Variants in WDR54 observed in about 807,000 individuals in gnomAD.
WDR54 encodes WD repeat-containing protein 54.
WDR54 carries 44 observed loss-of-function variants against 44.1 expected under a neutral mutation model. That is an observed-to-expected ratio of 1.00 (90% confidence interval 0.78 to 1.28). The LOEUF is 1.28. Among genes scored for constraint, WDR54 ranks in the 50% most tolerant of loss-of-function variants. The pLI, the probability that WDR54 is intolerant of heterozygous loss-of-function variation, is 0.00. For missense variants in WDR54, 409 were observed against 429.7 expected, an observed-to-expected ratio of 0.95 and a Z score of 0.43; for synonymous variants, 169 against 169.8, an observed-to-expected ratio of 1.00 and a Z score of 0.04.
chr2:74,423,445 A>T lies in WDR54; in HGVS notation c.353-33A>T, dbSNP rs555590375. 43 of 1,613,936 alleles carry T rather than the reference A, an allele frequency of 2.7e-5. No individual in the cohort carries two copies. In the East Asian group the frequency reaches 9.1e-4, roughly 34 times the overall value. ...GTGTTTGCTAGGGCTGCAGGAGGGG[A>T]TATTTCTGATCATTCTCCCCTTTCA... On this transcript the variant is annotated intron_variant, in intron 4 of 9. Coordinates refer to ENST00000348227, the MANE Select transcript of WDR54 (RefSeq NM_032118.4).
In WDR54 at chr2:74,425,728, G is replaced by A; in HGVS notation, c.*27G>A. On this transcript the variant is annotated 3_prime_UTR_variant, in exon 10 of 10. Transcript: ENST00000348227. ...AAGAGCAGCCTTCCTTTGTCCCTGT[G>A]GTATTCATAAAGTACCCGCTCCACC... is the stretch of plus-strand genomic sequence containing the variant. 6.2e-7 allele frequency: 1 copy of A among 1,613,768 alleles called. No individual in the cohort carries two copies. Among genetic ancestry groups the A allele is most frequent in the Non-Finnish European group, 8.5e-7 (1 of 1,179,918 alleles).
rs767229231 is a variant in WDR54, at chr2:74,423,965, G to A, written c.517G>A (p.Glu173Lys). ...GATGCCAATCACAGACATTGCCACCGAGCCTGCCCAGGGACAGGTGAGTGG... is the reference window on the plus strand; with the variant it reads ...GATGCCAATCACAGACATTGCCACCAAGCCTGCCCAGGGACAGGTGAGTGG... ...HQMPITDIAT[E>K]PAQGQDCVAD... Residue 173 changes from glutamate to lysine, a missense_variant, in exon 6 of 10, where the codon GAG becomes AAG. Transcript: ENST00000348227. 5.0e-5 allele frequency: 81 copies of A among 1,614,000 alleles called. No homozygotes were observed. The East Asian group carries it at 1.3e-3, about 26-fold the overall frequency.
At position 74,425,379 on chromosome 2, in the gene WDR54, G is replaced by A. The variant is rs372648730; in HGVS notation, c.799-38G>A. On this transcript the variant is annotated intron_variant, in intron 8 of 9. Coordinates refer to ENST00000348227, the MANE Select transcript of WDR54 (RefSeq NM_032118.4). ...GGGGATTCCAGCTTATAGCTGTCCC[G>A]TCAGGGCATTCTGACTCCCCCTCTT... The A allele has an allele frequency of 3.4e-4, 554 of 1,612,832 alleles. 1 individual carries two copies. The highest frequency in any genetic ancestry group is 4.4e-4 in the Non-Finnish European group (520 of 1,179,166).
rs763077900 is a variant in WDR54 at position 74,425,561 on chromosome 2, C to T, written c.874-9C>T. On this transcript the variant is annotated splice_polypyrimidine_tract_variant and intron_variant, in intron 9 of 9. Coordinates refer to ENST00000348227, the MANE Select transcript of WDR54 (RefSeq NM_032118.4). Reference sequence around the variant, plus strand: ...GCAGCAGGCCCTGACGAGCCCTCTGCTCCCCCAGGTGGAACACTGTCATGG... The same window carrying T: ...GCAGCAGGCCCTGACGAGCCCTCTGTTCCCCCAGGTGGAACACTGTCATGG... 40 of 1,614,118 alleles carry T rather than the reference C, an allele frequency of 2.5e-5. 2 individuals carry two copies. The South Asian group carries it at 4.1e-4, about 16-fold the overall frequency.
rs1349904101 is a variant in WDR54 at position 74,425,397 on chromosome 2, C to G, written c.799-20C>G. 1 of 1,613,776 alleles carries G rather than the reference C, an allele frequency of 6.2e-7. No homozygotes were observed. Reference sequence around the variant, plus strand: ...CTGTCCCGTCAGGGCATTCTGACTCCCCCTCTTCCTCCTCCACAGCTACTC... The same window carrying G: ...CTGTCCCGTCAGGGCATTCTGACTCGCCCTCTTCCTCCTCCACAGCTACTC... On this transcript the variant is annotated intron_variant, in intron 8 of 9. Coordinates refer to ENST00000348227, the MANE Select transcript of WDR54 (RefSeq NM_032118.4).
At chr2:74,422,009 C>T (rs1456762093) in intron 1 of WDR54, 144 bp from the exon 2 acceptor site, 7 of 807,774 alleles carry the variant, frequency 8.7e-6, no homozygotes, top group Non-Finnish European at 1.4e-5. Flanking sequence ...TCCTCGAGAC[C>T]CTCCCCCATC....
chr2:74,422,185 G>A lies in WDR54; in HGVS notation c.32G>A (p.Arg11Gln), dbSNP rs763968610. The part of the protein sequence containing the change: MFRWERSIPL[R>Q]GSAAALCNNL... ...CGCTGGGAGCGCTCCATTCCCCTGC[G>A]AGGCTCGGCCGCCGCCCTGTGCAAC... The change falls in exon 2 of 10, where the codon CGA (arginine) becomes CAA (glutamine). Residue 11 changes from arginine (R) to glutamine (Q), a missense_variant. Coordinates refer to ENST00000348227, the MANE Select transcript of WDR54 (RefSeq NM_032118.4). 2.5e-6 allele frequency: 4 copies of A among 1,613,456 alleles called. No homozygotes were observed. Among genetic ancestry groups the A allele is most frequent in the Non-Finnish European group, 3.4e-6 (4 of 1,180,044 alleles).
In WDR54 at chr2:74,424,878, T is replaced by C. The variant is rs1441734875; in HGVS notation, c.538T>C (p.Cys180Arg). 2 of 1,614,052 alleles carry C rather than the reference T, an allele frequency of 1.2e-6. No homozygotes were observed. The highest frequency in any genetic ancestry group is 1.7e-6 in the Non-Finnish European group (2 of 1,180,018). Residue 180 changes from cysteine to arginine, a missense_variant, in exon 7 of 10, where the codon TGT (cysteine) becomes CGT (arginine). Physicochemically the swap from Cys to Arg is radical, Grantham distance 180. Transcript: ENST00000348227. ...TTGATCTTGCCTTTCCCTTCAGGATTGTGTGGCTGACATGGTGACGGCAGA... is the reference window on the plus strand; with the variant it reads ...TTGATCTTGCCTTTCCCTTCAGGATCGTGTGGCTGACATGGTGACGGCAGA... Reference protein sequence around the residue: ...IATEPAQGQDCVADMVTADDS... With the variant: ...IATEPAQGQDRVADMVTADDS...
chr2:74,425,563 C>T lies in WDR54; in HGVS notation c.874-7C>T, dbSNP rs1398279206. ...AGCAGGCCCTGACGAGCCCTCTGCT[C>T]CCCCAGGTGGAACACTGTCATGGTG... On this transcript the variant is annotated splice_region_variant and splice_polypyrimidine_tract_variant and intron_variant, in intron 9 of 9. Coordinates refer to ENST00000348227, the MANE Select transcript of WDR54 (RefSeq NM_032118.4). 6 of 1,614,186 alleles carry T rather than the reference C, an allele frequency of 3.7e-6. No individual in the cohort carries two copies. The highest frequency in any genetic ancestry group is 1.1e-5 in the South Asian group (1 of 91,078).
chr2:74,423,356 A>G lies in WDR54; in HGVS notation c.323A>G (p.His108Arg). 6.2e-7 allele frequency: 1 copy of G among 1,614,076 alleles called. No individual in the cohort carries two copies. The highest frequency in any genetic ancestry group is 8.5e-7 in the Non-Finnish European group (1 of 1,180,040). Residue 108 changes from histidine to arginine, a missense_variant, in exon 4 of 10, where the codon CAT (histidine) becomes CGT (arginine). By Grantham distance (29) the His-to-Arg change is conservative. Transcript: ENST00000348227. ...AATGGCTACACCATGGTCTACTGGC[A>G]TGCACTGGACTCTGGAGATGCCTCC... ...ESNGYTMVYW[H>R]ALDSGDASPV...
chr2:74,425,002 C>G (rs758826573), intron 7 of WDR54, 27 bp downstream of exon 7: 1 of 1,614,178 alleles, frequency 6.2e-7, no homozygotes, highest in Admixed American at 1.7e-5. Context: ...GGGTAGAGGG[C>G]TTCCTGAGAT....
chr2:74,423,010 C>T, intron 3 of WDR54, 78 bp downstream of exon 3: 1 of 1,433,188 alleles, frequency 7.0e-7, no homozygotes, highest in South Asian at 1.1e-5. Context: ...TTCCCACTTG[C>T]CTCTAAACAC....
chr2:74,424,853 T>G, intron 6 of WDR54, 22 bp from the exon 7 acceptor site: 1 of 1,613,574 alleles, frequency 6.2e-7, no homozygotes, highest in Non-Finnish European at 8.5e-7. Flanking sequence ...AAGGGAAGGG[T>G]TGATCTTGCC....
chr2:74,425,682 G>A lies in WDR54; in HGVS notation c.986G>A (p.Arg329Gln), dbSNP rs776576157. Residue 329 changes from arginine (R) to glutamine (Q), a missense_variant, in exon 10 of 10, where the codon CGG becomes CAG. Arg to Gln is a conservative substitution (Grantham distance 43, BLOSUM62 1). Transcript: ENST00000348227. ...AVTGYDLAEI[R>Q]RFSSV The stretch of plus-strand genomic sequence containing the variant: ...ACTGGCTATGACCTTGCGGAGATCC[G>A]GAGATTCAGCAGTGTGTGAGAAGAG... The A allele has an allele frequency of 1.7e-5, 27 of 1,614,200 alleles. No individual in the cohort carries two copies. Among genetic ancestry groups the A allele is most frequent in the South Asian group, 1.1e-4 (10 of 91,072 alleles).
At chr2:74,423,020 C>A in intron 3 of WDR54, 88 bp downstream of exon 3, 1 of 1,337,910 alleles carries the variant, frequency 7.5e-7, no homozygotes, top group Non-Finnish European at 1.1e-6. Flanking sequence ...CCTCTAAACA[C>A]TTCCAGACTT....
intron 1 of WDR54, 116 bp from the exon 2 acceptor site, chr2:74,422,037 C>A: frequency 1.8e-6 from 2 of 1,090,786 alleles, no homozygotes; most frequent in East Asian, 2.5e-5. Context: ...TCTGGGCACC[C>A]CATCCTATGA....
Position 74,422,871 on chromosome 2 carries a change from T to G in WDR54, c.224T>G (p.Val75Gly). The change falls in exon 3 of 10, where the codon GTC becomes GGC. Residue 75 changes from valine (V) to glycine (G), a missense_variant and splice_region_variant. By Grantham distance (109) the Val-to-Gly change is moderately radical. Transcript: ENST00000348227. Reference sequence around the variant, plus strand: ...CTACACTGATGCACCTCCCTCCAGGTCCACTGGTGTGTCCTCCCCTTCCGA... The same window carrying G: ...CTACACTGATGCACCTCCCTCCAGGGCCACTGGTGTGTCCTCCCCTTCCGA... ...AGVSPPLITQVHWCVLPFRVL... is the reference protein window; with the variant it reads ...AGVSPPLITQGHWCVLPFRVL... 1 of 1,613,222 alleles carries G rather than the reference T, an allele frequency of 6.2e-7. No homozygotes were observed. The highest frequency in any genetic ancestry group is 8.5e-7 in the Non-Finnish European group (1 of 1,179,804).
At chr2:74,423,616 T>C in intron 5 of WDR54, 85 bp downstream of exon 5, 1 of 1,562,928 alleles carries the variant, frequency 6.4e-7, no homozygotes, top group Non-Finnish European at 8.7e-7. Flanking sequence ...GAGGAAATTG[T>C]GGAAAGTTAG....
At position 74,422,198 on chromosome 2, in the gene WDR54, C is replaced by T. The variant is rs755797249; in HGVS notation, c.45C>T (p.Ala15=). The T allele has an allele frequency of 6.2e-7, 1 of 1,613,784 alleles. No individual in the cohort carries two copies. Among genetic ancestry groups the T allele is most frequent in the African/African-American group, 1.3e-5 (1 of 74,954 alleles). The change falls in exon 2 of 10, where the codon GCC becomes GCT. Residue 15 remains alanine (A), a synonymous_variant. Transcript: ENST00000348227. ...CCATTCCCCTGCGAGGCTCGGCCGC[C>T]GCCCTGTGCAACAACCTCAGTGTGC... ...ERSIPLRGSA[A]ALCNNLSVLQ...
Sources: gnomAD v4.1 joint callset for allele counts on GRCh38, gnomAD v4.1.1 for gene constraint, MANE v1.5 for transcripts, NCBI Gene and HGNC (gene_info 2026-07-23, HGNC 2026-07-21) for gene names.